PUDP: variants seen among roughly 807,000 people sequenced by gnomAD.
PUDP encodes the protein pseudouridine-5'-phosphatase.
In PUDP, 8 loss-of-function variants were observed where a neutral mutation model predicts 9.4. That is an observed-to-expected ratio of 0.85 (90% CI 0.50 to 1.53). PUDP has a LOEUF of 1.53. Ranked by LOEUF, PUDP falls within the 40% of genes most tolerant of loss-of-function variation. The pLI is 0.00. For missense variants in PUDP, 188 were observed against 189.7 expected (o/e 0.99, Z 0.05); for synonymous variants, 99 against 80.7 (o/e 1.23, Z -1.22).
chrX:7,013,280 T>C (rs776970891), intron 1 of PUDP, among the ~76,000 whole-genome samples: 9 of 111,981 alleles, frequency 8.0e-5, no homozygotes, highest in Non-Finnish European at 1.7e-4. Context: ...TGGACTGGTT[T>C]TCCAGGGAAT....
intron 1 of PUDP, among the ~76,000 whole-genome samples, chrX:7,124,655 G>C (rs1932430389): frequency 1.8e-5 from 2 of 111,360 alleles, no homozygotes; most frequent in Admixed American, 1.9e-4. Context: ...AGAAACTTTG[G>C]CTATCTTGTT....
At chrX:6,974,086 C>A (rs1185660665) in intron 3 of PUDP, among the ~76,000 whole-genome samples, 1 of 111,804 alleles carries the variant, frequency 8.9e-6, no homozygotes. Context: ...TTATTTTGAG[C>A]CTATGTGTGT....
chrX:7,041,770 T>C (rs1217815470), intron 1 of PUDP, among the ~76,000 whole-genome samples: 1 of 111,664 alleles, frequency 9.0e-6, no homozygotes, highest in East Asian at 2.8e-4. Flanking sequence ...CTTCTCCAGT[T>C]TGTCTCTGAT....
chrX:6,834,384 T>G (rs1266918725), intron 3 of PUDP, among the ~76,000 whole-genome samples: 4 of 111,819 alleles, frequency 3.6e-5, no homozygotes, highest in Non-Finnish European at 7.5e-5. Context: ...CCTGAGGACC[T>G]GGTTCCTAAG....
intron 3 of PUDP, among the ~76,000 whole-genome samples, chrX:6,735,161 A>G (rs1924857183): frequency 8.9e-6 from 1 of 112,045 alleles, no homozygotes; most frequent in Non-Finnish European, 1.9e-5. Context: ...ACTCCTCACA[A>G]CACTTCATGG....
At chrX:7,137,178 T>A (rs1371032098) in intron 1 of PUDP, among the ~76,000 whole-genome samples, 1 of 104,635 alleles carries the variant, frequency 9.6e-6, no homozygotes, top group Non-Finnish European at 2.0e-5. Flanking sequence ...GAGGTGGAGA[T>A]TGCAGTGAGC....
chrX:7,038,295 G>C (rs1319771345), intron 1 of PUDP, among the ~76,000 whole-genome samples: 1 of 112,246 alleles, frequency 8.9e-6, no homozygotes, highest in Non-Finnish European at 1.9e-5. Context: ...TTTGGCCCAG[G>C]TGAGCATAGC....
intron 2 of PUDP, among the ~76,000 whole-genome samples, chrX:7,098,197 A>G (rs1370893765): frequency 8.9e-6 from 1 of 112,479 alleles, no homozygotes; most frequent in Admixed American, 9.4e-5. Context: ...TGCTGCTATA[A>G]CAAAATATCT....
chrX:6,831,995 C>T (rs1036076826), intron 3 of PUDP, among the ~76,000 whole-genome samples: 5 of 111,612 alleles, frequency 4.5e-5, no homozygotes, highest in African/African-American at 1.3e-4. Context: ...AAACTCCCAC[C>T]TAAACAGACA....
intron 3 of PUDP, among the ~76,000 whole-genome samples, chrX:6,908,353 G>T (rs1199223332): frequency 8.9e-6 from 1 of 112,388 alleles, no homozygotes; most frequent in East Asian, 2.8e-4. Flanking sequence ...GATGCCAATT[G>T]CAAGCTCAAA....
chrX:6,781,198 C>T (rs1368286592), intron 3 of PUDP, among the ~76,000 whole-genome samples: 1 of 111,457 alleles, frequency 9.0e-6, no homozygotes, highest in Non-Finnish European at 1.9e-5. Flanking sequence ...CATATCACAC[C>T]AGCAATCACA....
chrX:6,755,491 T>C lies in PUDP; in HGVS notation c.*248-49025A>G, dbSNP rs763333169. Among the ~76,000 whole-genome samples the C allele has an allele frequency of 7.1e-5, 8 of 112,404 alleles. No homozygotes were observed. The South Asian group carries it at 1.9e-3, about 26-fold the overall frequency. On this transcript the variant is annotated intron_variant and NMD_transcript_variant, in intron 3 of 3. Transcript: ENST00000655425. The stretch of plus-strand genomic sequence containing the variant: ...ATGTTTTCTTCTCTCAATGTATTCA[T>C]ACTATAATAAAGTGATTCCCGAATT...
At chrX:6,849,465 G>A (rs1926796870) in intron 3 of PUDP, among the ~76,000 whole-genome samples, 1 of 111,580 alleles carries the variant, frequency 9.0e-6, no homozygotes, top group African/African-American at 3.3e-5. Flanking sequence ...TTGAGTGGTA[G>A]GACCTGGGCA....
chrX:6,737,785 G>T (rs1006148150), intron 3 of PUDP, among the ~76,000 whole-genome samples: 1 of 111,578 alleles, frequency 9.0e-6, no homozygotes, highest in African/African-American at 3.3e-5. Context: ...CTGTTTCCAG[G>T]TTGGGAGGTT....
At chrX:6,947,433 C>T (rs764256186) in intron 3 of PUDP, among the ~76,000 whole-genome samples, 27 of 112,533 alleles carry the variant, frequency 2.4e-4, no homozygotes, top group Non-Finnish European at 4.7e-4. Context: ...TACATTTTAT[C>T]ACTAAGGTGG....
upstream of PUDP, among the ~76,000 whole-genome samples, chrX:6,726,339 G>T (rs754875143): frequency 9.0e-6 from 1 of 111,534 alleles, no homozygotes; most frequent in South Asian, 3.8e-4. Context: ...TAAATAGGAG[G>T]AATAAGTTTC....
chrX:6,973,879 G>A (rs1265704714), intron 3 of PUDP, among the ~76,000 whole-genome samples: 2 of 111,435 alleles, frequency 1.8e-5, no homozygotes, highest in Non-Finnish European at 3.8e-5. Context: ...TTATGAATCT[G>A]GGTGCTCCTG....
chrX:6,746,479 C>T (rs1044938161), intron 3 of PUDP, among the ~76,000 whole-genome samples: 1 of 111,387 alleles, frequency 9.0e-6, no homozygotes, highest in Non-Finnish European at 1.9e-5. Flanking sequence ...TAAACGTGTG[C>T]CATGGTGGTT....
At chrX:7,074,115 G>C (rs1245793039) in intron 3 of PUDP, among the ~76,000 whole-genome samples, 1 of 112,631 alleles carries the variant, frequency 8.9e-6, no homozygotes, top group East Asian at 2.8e-4. Context: ...TGTGGAGACA[G>C]GGTCTGGCTA....
Sources: allele counts gnomAD v4.1 joint callset (sites outside exome capture counted in the v4.1 genomes callset), GRCh38; gene constraint gnomAD v4.1.1; transcripts MANE v1.5; gene names NCBI Gene and HGNC (gene_info 2026-07-23, HGNC 2026-07-21).